Variants in SETBP1 observed in about 807,000 individuals in gnomAD.
SETBP1 encodes SET binding protein 1.
In SETBP1, 9 loss-of-function variants were observed where a neutral mutation model predicts 101.0. That is an observed-to-expected ratio of 0.09 (90% confidence interval 0.05 to 0.16). The LOEUF is 0.16. SETBP1 is among the 10% of genes least tolerant of loss of function. The pLI is 1.00. For missense variants in SETBP1, 1,858 were observed against 2,033.8 expected (o/e 0.91, Z 1.66); for synonymous variants, 818 against 788.5 (o/e 1.04, Z -0.63).
At chr18:44,754,383 A>G (rs552436959) in intron 2 of SETBP1, among the ~76,000 whole-genome samples, 16 of 152,292 alleles carry the variant, frequency 1.1e-4, no homozygotes, top group Middle Eastern at 3.4e-3. Context: ...AGTTTCATTA[A>G]TGCTAAGTTG....
chr18:44,956,146 A>G (rs984047302), intron 4 of SETBP1, among the ~76,000 whole-genome samples: 2 of 152,058 alleles, frequency 1.3e-5, no homozygotes, highest in African/African-American at 4.8e-5. Flanking sequence ...ATGTTCCTGC[A>G]TATCTTGTTA....
intron 2 of SETBP1, among the ~76,000 whole-genome samples, chr18:44,819,346 G>T (rs2072053634): frequency 6.6e-6 from 1 of 152,184 alleles, no homozygotes. Flanking sequence ...CTGAGAGAGT[G>T]TGGGTATAAT....
intron 3 of SETBP1, among the ~76,000 whole-genome samples, chr18:44,893,013 T>C (rs1366719103): frequency 9.2e-5 from 14 of 152,158 alleles, no homozygotes; most frequent in Admixed American, 8.5e-4. Context: ...GCAGCCTCTA[T>C]TGAGATTTTT....
chr18:45,043,439 G>GAA (rs34933092), intron 5 of SETBP1, among the ~76,000 whole-genome samples: 2 of 137,900 alleles, frequency 1.5e-5, no homozygotes, highest in African/African-American at 5.3e-5. Flanking sequence ...AGTCCAAGGA[G>GAA]AAAAAAAAAA....
At chr18:45,019,771 C>T (rs2073018785) in intron 4 of SETBP1, among the ~76,000 whole-genome samples, 2 of 152,048 alleles carry the variant, frequency 1.3e-5, no homozygotes, top group African/African-American at 4.8e-5. Context: ...AATTAAGAAA[C>T]AAGCCATTTG....
chr18:45,022,733 G>A (rs1339259072), intron 4 of SETBP1, among the ~76,000 whole-genome samples: 1 of 152,200 alleles, frequency 6.6e-6, no homozygotes, highest in African/African-American at 2.4e-5. Flanking sequence ...GGGAGGCTGA[G>A]GCAGGAGCAT....
At chr18:44,994,425 C>T (rs1450504345) in intron 4 of SETBP1, among the ~76,000 whole-genome samples, 4 of 152,116 alleles carry the variant, frequency 2.6e-5, no homozygotes, top group Non-Finnish European at 5.9e-5. Flanking sequence ...CCTTTTTATT[C>T]TGCTAGGAGG....
In SETBP1 at chr18:45,063,601, A is replaced by G; in HGVS notation, c.4694A>G (p.Gln1565Arg). 2.7e-6 allele frequency: 4 copies of G among 1,492,760 alleles called. No individual in the cohort carries two copies. Among genetic ancestry groups the G allele is most frequent in the Non-Finnish European group, 3.6e-6 (4 of 1,108,662 alleles). 92.5% of individuals were successfully genotyped at this position (1,492,760 alleles called of 1,614,324 possible). A position where few individuals can be genotyped will look rare whatever the true frequency, so the allele number is the denominator to read the frequency against. Residue 1565 changes from glutamine (Q) to arginine (R), a missense_variant, in exon 6 of 6, where the codon CAG becomes CGG. Coordinates refer to ENST00000649279, the MANE Select transcript of SETBP1 (RefSeq NM_015559.3). Reference sequence around the variant, plus strand: ...CCGCAGGCCCCCGCTCAGCCCCCACAGCAGTCGCCCCCGCAGCAGCCCCTT... The same window carrying G: ...CCGCAGGCCCCCGCTCAGCCCCCACGGCAGTCGCCCCCGCAGCAGCCCCTT... ...HKPQAPAQPP[Q>R]QSPPQQPLPQ...
intron 4 of SETBP1, among the ~76,000 whole-genome samples, chr18:45,026,242 A>G (rs979302708): frequency 6.6e-6 from 1 of 152,218 alleles, no homozygotes; most frequent in African/African-American, 2.4e-5. Context: ...TGCTGTGATT[A>G]TGGCATAACA....
At chr18:44,881,726 G>A (rs141554931) in intron 3 of SETBP1, among the ~76,000 whole-genome samples, 2 of 152,244 alleles carry the variant, frequency 1.3e-5, no homozygotes, top group Admixed American at 6.5e-5. Flanking sequence ...CACAGCTGAG[G>A]GAGATTATCT....
chr18:45,001,703 C>A (rs1194158675), intron 4 of SETBP1, among the ~76,000 whole-genome samples: 2 of 152,180 alleles, frequency 1.3e-5, no homozygotes, highest in Non-Finnish European at 2.9e-5. Context: ...AAAACTCCTG[C>A]AATGAAGATA....
rs186924781 is a variant in SETBP1, at chr18:44,792,395, G to A, written c.487-76835G>A. Among the ~76,000 whole-genome samples, 330 of 152,296 alleles carry A rather than the reference G, an allele frequency of 2.2e-3. 1 individual carries two copies. The highest frequency in any genetic ancestry group is 7.5e-3 in the African/African-American group (311 of 41,560). On this transcript the variant is annotated intron_variant, in intron 2 of 5. Transcript: ENST00000649279. ...TGCAAGGAACAGCAGGAGCCAGAGC[G>A]TAAGGTAAACGTGTCTGTTGCCTGC...
chr18:44,913,407 A>G (rs747012004), intron 3 of SETBP1, among the ~76,000 whole-genome samples: 1 of 152,172 alleles, frequency 6.6e-6, no homozygotes, highest in Non-Finnish European at 1.5e-5. Flanking sequence ...TTATGGTTAG[A>G]TTCAAGTGTA....
chr18:44,844,987 G>C (rs1398851063), intron 2 of SETBP1, among the ~76,000 whole-genome samples: 1 of 152,168 alleles, frequency 6.6e-6, no homozygotes, highest in Non-Finnish European at 1.5e-5. Context: ...GGAGGGTCTT[G>C]ATGGGAATCG....
chr18:44,868,495 G>T (rs1427830162), intron 2 of SETBP1, among the ~76,000 whole-genome samples: 1 of 152,048 alleles, frequency 6.6e-6, no homozygotes, highest in Non-Finnish European at 1.5e-5. Context: ...AGGAGTTCGA[G>T]ACCAGTCTGA....
chr18:45,027,337 G>A (rs1036992385), intron 4 of SETBP1, among the ~76,000 whole-genome samples: 2 of 152,150 alleles, frequency 1.3e-5, no homozygotes, highest in African/African-American at 4.8e-5. Context: ...TGACCAGAAG[G>A]AAACCAAAGC....
At chr18:44,925,854 A>C (rs2070694091) in intron 3 of SETBP1, among the ~76,000 whole-genome samples, 1 of 152,236 alleles carries the variant, frequency 6.6e-6, no homozygotes, top group South Asian at 2.1e-4. Flanking sequence ...ATTCTTTATT[A>C]TAGAAAGAAG....
chr18:44,797,510 C>T (rs1030072088), intron 2 of SETBP1, among the ~76,000 whole-genome samples: 1 of 152,190 alleles, frequency 6.6e-6, no homozygotes, highest in Non-Finnish European at 1.5e-5. Flanking sequence ...CAAGCCACTA[C>T]CCTGTCCCTA....
At chr18:45,021,339 G>A (rs1004469887) in intron 4 of SETBP1, among the ~76,000 whole-genome samples, 2 of 152,138 alleles carry the variant, frequency 1.3e-5, no homozygotes, top group African/African-American at 2.4e-5. Flanking sequence ...TATAATGCAT[G>A]TGCTTGTTTA....
Sources: allele counts gnomAD v4.1 joint callset (sites outside exome capture counted in the v4.1 genomes callset), GRCh38; gene constraint gnomAD v4.1.1; transcripts MANE v1.5; gene names NCBI Gene and HGNC (gene_info 2026-07-23, HGNC 2026-07-21).